The following BMPR2 variants were observed in gnomAD, a reference collection of about 807,000 sequenced individuals.
BMPR2 encodes the protein bone morphogenetic protein receptor type 2, also known as bone morphogenetic protein receptor type-2.
In BMPR2, 29 loss-of-function variants were observed where a neutral mutation model predicts 100.8. The observed-to-expected ratio is 0.29, with a 90% confidence interval of 0.21 to 0.39. BMPR2 has a LOEUF of 0.39. BMPR2 is among the 10% of genes least tolerant of loss of function. The pLI, the probability that BMPR2 is intolerant of heterozygous loss-of-function variation, is 1.00. For missense variants in BMPR2, 1,011 were observed against 1,274.5 expected, an observed-to-expected ratio of 0.79 and a Z score of 3.15; for synonymous variants, 382 against 442.3, an observed-to-expected ratio of 0.86 and a Z score of 1.71.
intron 1 of BMPR2, among the ~76,000 whole-genome samples, chr2:202,408,385 G>C (rs1488560228): frequency 1.3e-5 from 2 of 152,160 alleles, no homozygotes; most frequent in African/African-American, 4.8e-5. Flanking sequence ...TGCACCAGTA[G>C]GTTAAATTGT....
intron 3 of BMPR2, among the ~76,000 whole-genome samples, chr2:202,487,362 T>C (rs1421484008): frequency 6.6e-6 from 1 of 152,162 alleles, no homozygotes; most frequent in Non-Finnish European, 1.5e-5. Flanking sequence ...ATGAATCAGA[T>C]TCATACATCA....
At chr2:202,417,068 C>T (rs1691145622) in intron 1 of BMPR2, among the ~76,000 whole-genome samples, 1 of 152,012 alleles carries the variant, frequency 6.6e-6, no homozygotes, top group African/African-American at 2.4e-5. Flanking sequence ...AATTTCCTGA[C>T]CTCATGATCC....
At chr2:202,504,673 A>T (rs1408093725) in intron 3 of BMPR2, among the ~76,000 whole-genome samples, 1 of 145,912 alleles carries the variant, frequency 6.9e-6, no homozygotes, top group East Asian at 2.0e-4. Context: ...CCATCATAGT[A>T]GATTCTTTTT....
intron 5 of BMPR2, among the ~76,000 whole-genome samples, chr2:202,515,445 C>G (rs1221274566): frequency 1.3e-5 from 2 of 151,610 alleles, no homozygotes; most frequent in Non-Finnish European, 2.9e-5. Flanking sequence ...GTGGTTCATG[C>G]CTGTAATCCC....
At chr2:202,453,276 A>G (rs918363676) in intron 1 of BMPR2, among the ~76,000 whole-genome samples, 4 of 151,360 alleles carry the variant, frequency 2.6e-5, no homozygotes, top group Admixed American at 2.6e-4. Flanking sequence ...TTAAAATTCT[A>G]TTACTTTTAA....
At chr2:202,466,152 AATTATTAGGTTATAAGATATAT>A (rs1692316684) in intron 2 of BMPR2, among the ~76,000 whole-genome samples, 1 of 152,178 alleles carries the variant, frequency 6.6e-6, no homozygotes, top group Non-Finnish European at 1.5e-5. Context: ...CTTGATGTAG[AATTATTAGGTTATAAGATATAT>A]CAATATTTTA....
intron 1 of BMPR2, among the ~76,000 whole-genome samples, chr2:202,409,962 A>G (rs1005423282): frequency 7.9e-5 from 12 of 152,118 alleles, no homozygotes; most frequent in Admixed American, 2.0e-4. Flanking sequence ...AGTGACCACA[A>G]TAGTGCCCCA....
rs950368801 is a variant in BMPR2, at chr2:202,564,537, T to C, written c.*4591T>C. ...GCATATAAGGTTGCATTTTAACTTT[T>C]AGATTATGAACTGTGCAAACTTTAC... On this transcript the variant is annotated 3_prime_UTR_variant, in exon 13 of 13. Coordinates refer to ENST00000374580, the MANE Select transcript of BMPR2 (RefSeq NM_001204.7). 6.6e-6 allele frequency: 1 copy of C among 152,236 alleles called. No individual in the cohort carries two copies. Among genetic ancestry groups the C allele is most frequent in the Non-Finnish European group, 1.5e-5 (1 of 68,038 alleles). The allele number at this position is 152,236 out of a possible 1,614,324, so 9.4% of individuals were successfully genotyped here. A position where few individuals can be genotyped will look rare whatever the true frequency, so the allele number is the denominator to read the frequency against.
intron 1 of BMPR2, among the ~76,000 whole-genome samples, chr2:202,459,156 A>T (rs1692177186): frequency 2.0e-5 from 3 of 152,086 alleles, no homozygotes; most frequent in African/African-American, 7.2e-5. Context: ...GTCAGCTACC[A>T]TTTGGCAGCT....
At chr2:202,492,925 C>A (rs1291923406) in intron 3 of BMPR2, among the ~76,000 whole-genome samples, 1 of 152,020 alleles carries the variant, frequency 6.6e-6, no homozygotes, top group East Asian at 1.9e-4. Context: ...AGGGAGTTGC[C>A]TGCTGATGTG....
intron 1 of BMPR2, among the ~76,000 whole-genome samples, chr2:202,406,822 C>T (rs944343558): frequency 6.6e-6 from 1 of 152,016 alleles, no homozygotes; most frequent in African/African-American, 2.4e-5. Flanking sequence ...GCAAGAATGG[C>T]GTAATAAACT....
In BMPR2 at chr2:202,377,069, C is replaced by T. The variant is rs1029747287; in HGVS notation, c.-406C>T. 8 of 528,736 alleles carry T rather than the reference C, an allele frequency of 1.5e-5. No individual in the cohort carries two copies. The highest frequency in any genetic ancestry group is 6.2e-5 in the East Asian group (2 of 32,260). The allele number at this position is 528,736 out of a possible 1,614,324, so 32.8% of individuals were successfully genotyped here. ...AGTCGGGAACTAGTTCTGACCCTCG[C>T]CCCCCGACCCCGGATCGAATCCCCG... On this transcript the variant is annotated 5_prime_UTR_variant, in exon 1 of 13. Coordinates refer to ENST00000374580, the MANE Select transcript of BMPR2 (RefSeq NM_001204.7).
At chr2:202,433,337 T>C (rs1204129526) in intron 1 of BMPR2, among the ~76,000 whole-genome samples, 2 of 150,520 alleles carry the variant, frequency 1.3e-5, no homozygotes, top group Non-Finnish European at 2.9e-5. Context: ...AAAATGCATA[T>C]TATGAAAAAA....
At chr2:202,489,954 A>G (rs974857455) in intron 3 of BMPR2, among the ~76,000 whole-genome samples, 4 of 152,224 alleles carry the variant, frequency 2.6e-5, no homozygotes, top group African/African-American at 4.8e-5. Context: ...ATAGGTTTGT[A>G]GAACAGCTGG....
intron 11 of BMPR2, 82 bp from the exon 12 acceptor site, chr2:202,555,170 T>G: frequency 7.7e-7 from 1 of 1,291,054 alleles, no homozygotes; most frequent in Non-Finnish European, 1.1e-6. Flanking sequence ...ACTCAGACTT[T>G]AAAATCAGAG....
rs1014153509 is a variant in BMPR2 at position 202,504,772 on chromosome 2, C to T, written c.419-8947C>T. ...TCTGCTCACTGCAACCTCCACCCTT[C>T]GAGTTCAAGCGATTCTCCTGCCTCA... On this transcript the variant is annotated intron_variant, in intron 3 of 12. Transcript: ENST00000374580. Among the ~76,000 whole-genome samples the T allele has an allele frequency of 4.7e-5, 7 of 148,418 alleles. No individual in the cohort carries two copies. In the South Asian group the frequency reaches 1.1e-3, roughly 22 times the overall value.
intron 3 of BMPR2, among the ~76,000 whole-genome samples, chr2:202,484,358 C>CCCTT (rs71406984): frequency 0.32 from 46,767 of 147,954 alleles, 7,789 homozygotes; most frequent in African/African-American, 0.45. Context: ...CTCCCTCCCT[C>CCCTT]CCTTCCTTCT....
intron 3 of BMPR2, among the ~76,000 whole-genome samples, chr2:202,505,868 TTAATGA>T (rs770485919): frequency 3.9e-5 from 6 of 152,230 alleles, no homozygotes; most frequent in East Asian, 1.9e-4. Context: ...CAACTGGTTG[TTAATGA>T]TAATGTTAAA....
chr2:202,566,085 ACAT>A lies in BMPR2; in HGVS notation c.*6143_*6145del, dbSNP rs1427023323. On this transcript the variant is annotated 3_prime_UTR_variant, in exon 13 of 13. Coordinates refer to ENST00000374580, the MANE Select transcript of BMPR2 (RefSeq NM_001204.7). ...GAGAAGGAATCTTCAGAACAAAATC[ACAT>A]CATTAGGGTGTCCAGTTTATGATTG... is the stretch of plus-strand genomic sequence containing the variant. 3 of 152,196 alleles carry A rather than the reference ACAT, an allele frequency of 2.0e-5. No individual in the cohort carries two copies. Among genetic ancestry groups the A allele is most frequent in the African/African-American group, 7.2e-5 (3 of 41,456 alleles). 9.4% of individuals were successfully genotyped at this position (152,196 alleles called of 1,614,324 possible).
Sources: gnomAD v4.1 joint callset for allele counts (sites outside exome capture counted in the v4.1 genomes callset) on GRCh38, gnomAD v4.1.1 for gene constraint, MANE v1.5 for transcripts, NCBI Gene and HGNC (gene_info 2026-07-23, HGNC 2026-07-21) for gene names.